The following LIN7A variants were observed in gnomAD, a reference collection of about 807,000 sequenced individuals.
LIN7A encodes the protein protein lin-7 homolog A.
In LIN7A, 25 loss-of-function variants were observed where a neutral mutation model predicts 29.8. The observed-to-expected ratio is 0.84, with a 90% CI of 0.61 to 1.17. The LOEUF is 1.17. LIN7A is among the 50% of genes most tolerant of loss of function. The pLI, the probability that LIN7A is intolerant of heterozygous loss-of-function variation, is 0.00. For missense variants in LIN7A, 239 were observed against 287.0 expected, an observed-to-expected ratio of 0.83 and a Z score of 1.21; for synonymous variants, 118 against 107.5, an observed-to-expected ratio of 1.10 and a Z score of -0.60.
At chr12:80,844,150 G>A (rs1056284644) in intron 4 of LIN7A, among the ~76,000 whole-genome samples, 8 of 152,168 alleles carry the variant, frequency 5.3e-5, no homozygotes, top group Non-Finnish European at 8.8e-5. Context: ...ACGCAATTGT[G>A]TGACCTAGCT....
At chr12:80,889,974 T>C (rs528179786) in intron 1 of LIN7A, among the ~76,000 whole-genome samples, 34 of 152,238 alleles carry the variant, frequency 2.2e-4, no homozygotes, top group Non-Finnish European at 3.5e-4. Context: ...CAATTGGAAT[T>C]GTTTCTTCTC....
chr12:80,890,288 A>AC (rs1875555236), intron 1 of LIN7A, among the ~76,000 whole-genome samples: 1 of 152,144 alleles, frequency 6.6e-6, no homozygotes, highest in South Asian at 2.1e-4. Context: ...TAAATAACTC[A>AC]CTGAAAAGCC....
At chr12:80,919,723 G>A (rs752189562) in intron 1 of LIN7A, among the ~76,000 whole-genome samples, 1 of 152,132 alleles carries the variant, frequency 6.6e-6, no homozygotes, top group Non-Finnish European at 1.5e-5. Context: ...CTGGAAAGGG[G>A]CAGGGAACTC....
rs1565883850 is a variant in LIN7A, at chr12:80,807,078, T to TTTTTTTTTG, written c.*4386_*4387insCAAAAAAAA. ...TGAAGATGGAGTTTTTTTTTTTTTT[T>TTTTTTTTTG]TTTTTTTTTTTTTGACGGAGTCTCG... On this transcript the variant is annotated intron_variant, in intron 5 of 5. Transcript: ENST00000552864. Among the ~76,000 whole-genome samples, 177 of 115,102 alleles carry TTTTTTTTTG rather than the reference T, an allele frequency of 1.5e-3. 5 individuals are homozygous for TTTTTTTTTG. Among genetic ancestry groups the TTTTTTTTTG allele is most frequent in the South Asian group, 1.3e-3 (5 of 3,878 alleles). The allele number at this position is 115,102 out of a possible 152,430, so 75.5% of individuals were successfully genotyped here.
At chr12:80,827,922 T>A (rs761533758) in intron 4 of LIN7A, among the ~76,000 whole-genome samples, 4 of 152,310 alleles carry the variant, frequency 2.6e-5, no homozygotes, top group Non-Finnish European at 5.9e-5. Context: ...TCTGGACGTT[T>A]TTTTTGTTCT....
intron 1 of LIN7A, among the ~76,000 whole-genome samples, chr12:80,921,431 C>A: frequency 6.6e-6 from 1 of 151,416 alleles, no homozygotes; most frequent in African/African-American, 2.4e-5. Flanking sequence ...GCTGGCACTT[C>A]CAAGATCAGA....
chr12:80,928,548 G>GT (rs975378291), intron 1 of LIN7A, among the ~76,000 whole-genome samples: 24 of 151,994 alleles, frequency 1.6e-4, no homozygotes, highest in African/African-American at 5.8e-4. Context: ...GGGGTTGTTT[G>GT]TTTTTTTCTT....
rs1872217656 is a variant in LIN7A at position 80,829,017 on chromosome 12, A to G, written c.483+16713T>C. Among the ~76,000 whole-genome samples the G allele has an allele frequency of 2.6e-5, 4 of 152,162 alleles. No individual in the cohort carries two copies. The South Asian group carries it at 8.3e-4, about 32-fold the overall frequency. On this transcript the variant is annotated intron_variant, in intron 4 of 5. Coordinates refer to ENST00000552864, the MANE Select transcript of LIN7A (RefSeq NM_004664.4). ...GAATGCATTTACATATTTATTGTAT[A>G]TTTTTAAATACAATAGCCCAGTATC... is the stretch of plus-strand genomic sequence containing the variant.
intron 1 of LIN7A, among the ~76,000 whole-genome samples, chr12:80,892,732 G>C (rs560388820): frequency 6.6e-6 from 1 of 152,284 alleles, no homozygotes; most frequent in Non-Finnish European, 1.5e-5. Context: ...GGTCCCACCT[G>C]GAGAATTTCT....
At chr12:80,828,868 A>G (rs1235555379) in intron 4 of LIN7A, among the ~76,000 whole-genome samples, 1 of 152,148 alleles carries the variant, frequency 6.6e-6, no homozygotes, top group Non-Finnish European at 1.5e-5. Flanking sequence ...CATGCTCACT[A>G]CAATGGTGTT....
intron 1 of LIN7A, among the ~76,000 whole-genome samples, chr12:80,912,415 C>T (rs1276450194): frequency 5.3e-5 from 8 of 151,946 alleles, no homozygotes; most frequent in African/African-American, 1.9e-4. Context: ...CATAGATCTC[C>T]TTTTAAAAAT....
intron 1 of LIN7A, among the ~76,000 whole-genome samples, chr12:80,901,801 T>C (rs1876227259): frequency 6.6e-6 from 1 of 152,140 alleles, no homozygotes; most frequent in Admixed American, 6.5e-5. Flanking sequence ...TTAATAATGT[T>C]TCCTCTTTTA....
At chr12:80,837,195 A>T (rs1872622340) in intron 4 of LIN7A, among the ~76,000 whole-genome samples, 1 of 152,170 alleles carries the variant, frequency 6.6e-6, no homozygotes, top group Admixed American at 6.5e-5. Context: ...ATACACTTGT[A>T]AGCACTCTAG....
At chr12:80,807,191 C>T (rs928339137) in intron 5 of LIN7A, among the ~76,000 whole-genome samples, 1 of 151,076 alleles carries the variant, frequency 6.6e-6, no homozygotes, top group African/African-American at 2.4e-5. Context: ...CCTGCCTCAG[C>T]CTCCTGAGTA....
rs139412523 is a variant in LIN7A, at chr12:80,810,448, T to C, written c.*1017A>G. Among the ~76,000 whole-genome samples, 1,010 of 151,974 alleles carry C rather than the reference T, an allele frequency of 6.6e-3. 5 individuals are homozygous for C. Among genetic ancestry groups the C allele is most frequent in the African/African-American group, 0.023 (960 of 41,440 alleles). On this transcript the variant is annotated intron_variant, in intron 5 of 5. Transcript: ENST00000552864. ...GTGTGTGTGTGTGTGTAGGTAGATATAGATATCTATCACATACTTACCACA... is the reference window on the plus strand; with the variant it reads ...GTGTGTGTGTGTGTGTAGGTAGATACAGATATCTATCACATACTTACCACA...
intron 1 of LIN7A, among the ~76,000 whole-genome samples, chr12:80,918,352 G>A (rs1172592145): frequency 6.6e-6 from 1 of 151,974 alleles, no homozygotes; most frequent in African/African-American, 2.4e-5. Flanking sequence ...CTGGCCTTAT[G>A]TATATTCCTT....
At chr12:80,908,221 A>G (rs942695781) in intron 1 of LIN7A, among the ~76,000 whole-genome samples, 2 of 152,130 alleles carry the variant, frequency 1.3e-5, no homozygotes, top group African/African-American at 2.4e-5. Context: ...TTTAAGAAAT[A>G]TAGACTTAGA....
At chr12:80,911,083 T>C (rs1450546365) in intron 1 of LIN7A, among the ~76,000 whole-genome samples, 2 of 152,156 alleles carry the variant, frequency 1.3e-5, no homozygotes, top group African/African-American at 4.8e-5. Context: ...TATTCCTTTG[T>C]TGAGTTAAAA....
In LIN7A at chr12:80,845,941, T is replaced by TAA; in HGVS notation, c.274-3_274-2insTT. 6.6e-7 allele frequency: 1 copy of TAA among 1,509,058 alleles called. No individual in the cohort carries two copies. The highest frequency in any genetic ancestry group is 8.8e-7 in the Non-Finnish European group (1 of 1,134,596). 93.5% of individuals were successfully genotyped at this position (1,509,058 alleles called of 1,614,324 possible). A position where few individuals can be genotyped will look rare whatever the true frequency, so the allele number is the denominator to read the frequency against. Reference sequence around the variant, plus strand: ...AGCTGCAAAAGCTGCAACTGTTGCCTGAAAAAAAAAAAAAAAGATGGTCTT... The same window carrying TAA: ...AGCTGCAAAAGCTGCAACTGTTGCCTAAGAAAAAAAAAAAAAAAGATGGTCTT... On this transcript the variant is annotated splice_region_variant and splice_polypyrimidine_tract_variant and intron_variant, in intron 3 of 5. Transcript: ENST00000552864.
Sources: allele counts gnomAD v4.1 joint callset (sites outside exome capture counted in the v4.1 genomes callset), GRCh38; gene constraint gnomAD v4.1.1; transcripts MANE v1.5; gene names NCBI Gene and HGNC (gene_info 2026-07-23, HGNC 2026-07-21).